RIMS3: variants seen among roughly 807,000 people sequenced by gnomAD.
RIMS3 encodes regulating synaptic membrane exocytosis protein 3.
A neutral mutation model predicts 29.2 loss-of-function variants in RIMS3; 15 were observed. That is an observed-to-expected ratio of 0.51 (90% CI 0.34 to 0.79). RIMS3 has a LOEUF of 0.79. RIMS3 is among the 30% of genes least tolerant of loss of function. RIMS3 has a pLI of 0.01. For synonymous variants in RIMS3, 161 were observed against 170.1 expected (o/e 0.95, Z 0.41); for missense variants, 342 against 421.4 (o/e 0.81, Z 1.65).
Position 40,621,023 on chromosome 1 carries a change from A to T in RIMS3, c.*5494T>A, listed in dbSNP as rs1646417827. 1 of 152,380 alleles carries T rather than the reference A, an allele frequency of 6.6e-6. No individual in the cohort carries two copies. The highest frequency in any genetic ancestry group is 1.5e-5 in the Non-Finnish European group (1 of 68,046). The allele number at this position is 152,380 out of a possible 1,614,324, so 9.4% of individuals were successfully genotyped here. A position where few individuals can be genotyped will look rare whatever the true frequency, so the allele number is the denominator to read the frequency against. The stretch of plus-strand genomic sequence containing the variant: ...GTTTACATGCTAAAGGAGTTGGTTG[A>T]GCTATCAGGCCCACTCTTCCTAAGG... On this transcript the variant is annotated 3_prime_UTR_variant, in exon 8 of 8. Transcript: ENST00000372684.
At chr1:40,648,980 G>A (rs1646613072) in intron 1 of RIMS3, among the ~76,000 whole-genome samples, 1 of 152,220 alleles carries the variant, frequency 6.6e-6, no homozygotes, top group Non-Finnish European at 1.5e-5. Context: ...CACAGAAGGG[G>A]GAAAGGGGCT....
intron 4 of RIMS3, among the ~76,000 whole-genome samples, chr1:40,634,679 T>C (rs952557723): frequency 1.3e-5 from 2 of 152,096 alleles, no homozygotes; most frequent in African/African-American, 4.8e-5. Flanking sequence ...CCGGGTGCAG[T>C]GGCTGTAATC....
At position 40,623,459 on chromosome 1, in the gene RIMS3, T is replaced by A. The variant is rs1249122986; in HGVS notation, c.*3058A>T. On this transcript the variant is annotated 3_prime_UTR_variant, in exon 8 of 8. Transcript: ENST00000372684. ...CACTGTCCCTGCCCACAACCCAACATCACTGCAGGGCCACTCCTGTCTCTG... is the reference window on the plus strand; with the variant it reads ...CACTGTCCCTGCCCACAACCCAACAACACTGCAGGGCCACTCCTGTCTCTG... The A allele has an allele frequency of 1.0e-5, 4 of 398,388 alleles. No individual in the cohort carries two copies. The highest frequency in any genetic ancestry group is 8.2e-5 in the African/African-American group (4 of 48,562). 24.7% of individuals were successfully genotyped at this position (398,388 alleles called of 1,614,324 possible).
chr1:40,637,578 C>T (rs1489115387), intron 3 of RIMS3, among the ~76,000 whole-genome samples: 2 of 152,162 alleles, frequency 1.3e-5, no homozygotes, highest in African/African-American at 4.8e-5. Context: ...CGAGCAGCAG[C>T]AATCACATAT....
intron 1 of RIMS3, among the ~76,000 whole-genome samples, chr1:40,661,286 T>A (rs1011604658): frequency 6.6e-6 from 1 of 152,106 alleles, no homozygotes; most frequent in African/African-American, 2.4e-5. Context: ...AAGCACTAAA[T>A]AAGTGTTATT....
In RIMS3 at chr1:40,634,956, C is replaced by A. The variant is rs201585490; in HGVS notation, c.359+960G>T. On this transcript the variant is annotated intron_variant, in intron 4 of 7. Transcript: ENST00000372684. ...AACTCCATCACAAAAAAAAAAAAAA[C>A]AAAAAAAACAACGATCACTGTTCCT... Among the ~76,000 whole-genome samples, 173 of 144,860 alleles carry A rather than the reference C, an allele frequency of 1.2e-3. 1 individual carries two copies. The highest frequency in any genetic ancestry group is 2.7e-3 in the African/African-American group (108 of 39,896).
At chr1:40,630,132 G>A (rs1646479950) in intron 5 of RIMS3, among the ~76,000 whole-genome samples, 1 of 151,778 alleles carries the variant, frequency 6.6e-6, no homozygotes, top group Admixed American at 6.6e-5. Flanking sequence ...AAAAGGCTCT[G>A]AGCTAAAAAC....
intron 4 of RIMS3, among the ~76,000 whole-genome samples, chr1:40,633,541 C>G (rs779759782): frequency 1.3e-5 from 2 of 152,226 alleles, no homozygotes; most frequent in African/African-American, 2.4e-5. Context: ...AGACATAGGT[C>G]AGAAATTTCA....
intron 2 of RIMS3, among the ~76,000 whole-genome samples, chr1:40,644,567 A>G (rs1405831896): frequency 6.6e-6 from 1 of 152,174 alleles, no homozygotes; most frequent in African/African-American, 2.4e-5. Context: ...AGTGCTAGGG[A>G]AGAGGACAGA....
intron 2 of RIMS3, among the ~76,000 whole-genome samples, chr1:40,642,898 G>A (rs1646567743): frequency 6.6e-6 from 1 of 150,550 alleles, no homozygotes; most frequent in Non-Finnish European, 1.5e-5. Context: ...GGAGGTAGCA[G>A]TGAGCCGAGA....
chr1:40,677,777 C>T, the RIMS3 span, among the ~76,000 whole-genome samples: 1 of 152,056 alleles, frequency 6.6e-6, no homozygotes, highest in African/African-American at 2.4e-5. Context: ...TCAAGACCTG[C>T]CCAACCCTAT....
At chr1:40,647,900 G>A (rs1284220153) in intron 1 of RIMS3, 58 bp from the exon 2 acceptor site, 1 of 152,210 alleles carries the variant, frequency 6.6e-6, no homozygotes, top group East Asian at 1.9e-4. Flanking sequence ...ACCCTCAAGG[G>A]CTTCCAGTAG....
At chr1:40,689,092 A>C in the RIMS3 span, among the ~76,000 whole-genome samples, 1 of 152,196 alleles carries the variant, frequency 6.6e-6, no homozygotes, top group African/African-American at 2.4e-5. Flanking sequence ...CTTACAACAA[A>C]GGTTTATTTA....
At position 40,623,585 on chromosome 1, in the gene RIMS3, G is replaced by A. The variant is rs188532836; in HGVS notation, c.*2932C>T. On this transcript the variant is annotated 3_prime_UTR_variant, in exon 8 of 8. Transcript: ENST00000372684. ...GTTTCATCTGGGCAAGGGGGCATTTGGAGCCGGGACACTGAACATGGCAGT... is the reference window on the plus strand; with the variant it reads ...GTTTCATCTGGGCAAGGGGGCATTTAGAGCCGGGACACTGAACATGGCAGT... 46 of 398,614 alleles carry A rather than the reference G, an allele frequency of 1.2e-4. 1 individual carries two copies. In the Admixed American group the frequency reaches 1.8e-3, roughly 16 times the overall value. 24.7% of individuals were successfully genotyped at this position (398,614 alleles called of 1,614,324 possible).
At chr1:40,660,436 G>A (rs1212371079) in intron 1 of RIMS3, among the ~76,000 whole-genome samples, 1 of 150,370 alleles carries the variant, frequency 6.7e-6, no homozygotes, top group Non-Finnish European at 1.5e-5. Flanking sequence ...GGAGTGCAGT[G>A]GCATGAACAT....
At chr1:40,658,288 TG>T (rs1419897581) in intron 1 of RIMS3, among the ~76,000 whole-genome samples, 2 of 151,770 alleles carry the variant, frequency 1.3e-5, no homozygotes, top group East Asian at 3.8e-4. Context: ...GGCCTCTGAA[TG>T]ACATTTGACA....
intron 1 of RIMS3, among the ~76,000 whole-genome samples, chr1:40,658,585 G>A (rs78631794): frequency 0.024 from 3,580 of 152,312 alleles, 139 homozygotes; most frequent in African/African-American, 0.081. Flanking sequence ...GCCTCACTCT[G>A]AGCCAATCAG....
At position 40,660,736 on chromosome 1, in the gene RIMS3, A is replaced by G. The variant is rs577344271; in HGVS notation, c.-207+4658T>C. The stretch of plus-strand genomic sequence containing the variant: ...CCCAGAAGAGATCATTAAAATCAAG[A>G]GAAGTAAACGAGATTACCCGGGAGG... On this transcript the variant is annotated intron_variant, in intron 1 of 7. Coordinates refer to ENST00000372684, the MANE Select transcript of RIMS3 (RefSeq NM_014747.3). Among the ~76,000 whole-genome samples the G allele has an allele frequency of 8.6e-5, 13 of 151,918 alleles. No homozygotes were observed. In the South Asian group the frequency reaches 2.3e-3, roughly 27 times the overall value.
At chr1:40,667,531 A>G (rs1642441134), upstream of RIMS3, among the ~76,000 whole-genome samples, 1 of 152,176 alleles carries the variant, frequency 6.6e-6, no homozygotes, top group Non-Finnish European at 1.5e-5. Flanking sequence ...GAGATGTGCA[A>G]TGTATATTTT....
Sources: gnomAD v4.1 joint callset for allele counts (sites outside exome capture counted in the v4.1 genomes callset) on GRCh38, gnomAD v4.1.1 for gene constraint, MANE v1.5 for transcripts, NCBI Gene and HGNC (gene_info 2026-07-23, HGNC 2026-07-21) for gene names.